Variants in FARP1 observed in about 807,000 individuals in gnomAD.
FARP1 encodes FERM, ARHGEF and pleckstrin domain-containing protein 1.
In FARP1, 52 loss-of-function variants were observed where a neutral mutation model predicts 128.8. The observed-to-expected ratio is 0.40, with a 90% CI of 0.32 to 0.51. The LOEUF (loss-of-function observed/expected upper bound fraction) is 0.51, where lower values mean the gene tolerates loss of function less well. FARP1 is among the 20% of genes least tolerant of loss of function. FARP1 has a pLI of 0.45. For synonymous variants in FARP1, 580 were observed against 551.8 expected (o/e 1.05, Z -0.72); for missense variants, 1,333 against 1,367.9 (o/e 0.97, Z 0.40).
chr13:98,210,694 C>T (rs1404644921), intron 1 of FARP1, among the ~76,000 whole-genome samples: 4 of 152,060 alleles, frequency 2.6e-5, no homozygotes, highest in Admixed American at 6.5e-5. Context: ...GGACTACAGG[C>T]GCCCGCCACC....
At chr13:98,253,698 G>A (rs576824224) in intron 2 of FARP1, among the ~76,000 whole-genome samples, 7 of 152,160 alleles carry the variant, frequency 4.6e-5, no homozygotes. Context: ...CGTTGAGCTC[G>A]GTTTCCAGCC....
chr13:98,313,860 C>T (rs77452135), intron 2 of FARP1, among the ~76,000 whole-genome samples: 243 of 152,368 alleles, frequency 1.6e-3, no homozygotes, highest in African/African-American at 5.6e-3. Context: ...CCCACAAGAG[C>T]GCCTGTGATA....
chr13:98,311,994 C>G (rs571606941), intron 2 of FARP1, among the ~76,000 whole-genome samples: 1 of 151,962 alleles, frequency 6.6e-6, no homozygotes, highest in East Asian at 1.9e-4. Context: ...TAGGCACCTA[C>G]CACCATGCTT....
intron 2 of FARP1, among the ~76,000 whole-genome samples, chr13:98,274,945 A>G (rs1262526304): frequency 2.0e-5 from 3 of 152,226 alleles, no homozygotes; most frequent in African/African-American, 7.2e-5. Context: ...ATGCTTGGCT[A>G]TAACACTATC....
chr13:98,446,033 C>A (rs1892811287), intron 24 of FARP1, 65 bp from the exon 25 acceptor site: 6 of 1,105,942 alleles, frequency 5.4e-6, no homozygotes, highest in Non-Finnish European at 8.3e-6. Context: ...GCAGGGAGAG[C>A]TGCTCTCTGT....
rs373732659 is a variant in FARP1 at position 98,421,446 on chromosome 13, C to T, written c.1827-3126C>T. Among the ~76,000 whole-genome samples, 24 of 152,234 alleles carry T rather than the reference C, an allele frequency of 1.6e-4. 1 individual carries two copies. Among genetic ancestry groups the T allele is most frequent in the African/African-American group, 5.5e-4 (23 of 41,532 alleles). On this transcript the variant is annotated intron_variant, in intron 16 of 26. Coordinates refer to ENST00000319562, the MANE Select transcript of FARP1 (RefSeq NM_005766.4). Reference sequence around the variant, plus strand: ...CCAGAATCCTCCCCATTTCTTCTCCCGCAATCCAGACTCTCACTAGAATAT... The same window carrying T: ...CCAGAATCCTCCCCATTTCTTCTCCTGCAATCCAGACTCTCACTAGAATAT...
In FARP1 at chr13:98,186,070, A is replaced by G. The variant is rs565608413; in HGVS notation, c.-23-27150A>G. ...AGTGCACTCACATTATTGTGCCACCATCACCATCATCTATCTGCAGAACGT... is the reference window on the plus strand; with the variant it reads ...AGTGCACTCACATTATTGTGCCACCGTCACCATCATCTATCTGCAGAACGT... On this transcript the variant is annotated intron_variant, in intron 1 of 26. Coordinates refer to ENST00000319562, the MANE Select transcript of FARP1 (RefSeq NM_005766.4). Among the ~76,000 whole-genome samples, 50 of 152,180 alleles carry G rather than the reference A, an allele frequency of 3.3e-4. 1 individual carries two copies. In the South Asian group the frequency reaches 8.9e-3, roughly 27 times the overall value.
chr13:98,410,675 T>A lies in FARP1; in HGVS notation c.1603-59T>A, dbSNP rs1446197629. 3 of 807,234 alleles carry A rather than the reference T, an allele frequency of 3.7e-6. No homozygotes were observed. In the African/African-American group the frequency reaches 5.0e-5, roughly 14 times the overall value. The allele number at this position is 807,234 out of a possible 1,614,324, so 50.0% of individuals were successfully genotyped here. A position where few individuals can be genotyped will look rare whatever the true frequency, so the allele number is the denominator to read the frequency against. Reference sequence around the variant, plus strand: ...ACATATCACTTTAATGAGGACATTCTCCGAGACGCATACTCAAAAATGATT... The same window carrying A: ...ACATATCACTTTAATGAGGACATTCACCGAGACGCATACTCAAAAATGATT... On this transcript the variant is annotated intron_variant, in intron 14 of 26. Transcript: ENST00000319562.
At chr13:98,165,679 TAA>T (rs140355132) in intron 1 of FARP1, among the ~76,000 whole-genome samples, 98,150 of 113,480 alleles carry the variant, frequency 0.86, 44,537 homozygotes, top group South Asian at 0.99. Flanking sequence ...CTCTCATCAT[TAA>T]AAAAAAAAAA....
chr13:98,210,580 C>G (rs556074252), intron 1 of FARP1, among the ~76,000 whole-genome samples: 1 of 147,294 alleles, frequency 6.8e-6, no homozygotes, highest in African/African-American at 2.5e-5. Flanking sequence ...GACAGAGTCT[C>G]GCTCTGTCGC....
At chr13:98,205,972 T>C (rs946163325) in intron 1 of FARP1, among the ~76,000 whole-genome samples, 1 of 152,234 alleles carries the variant, frequency 6.6e-6, no homozygotes, top group Non-Finnish European at 1.5e-5. Context: ...ATAACTATGT[T>C]TGGACAAAGC....
At chr13:98,254,774 A>G (rs1436134823) in intron 2 of FARP1, among the ~76,000 whole-genome samples, 1 of 152,224 alleles carries the variant, frequency 6.6e-6, no homozygotes, top group African/African-American at 2.4e-5. Context: ...GAGAATGTCC[A>G]TGATGCTATA....
chr13:98,267,060 G>C (rs1884154721), intron 2 of FARP1, among the ~76,000 whole-genome samples: 1 of 149,082 alleles, frequency 6.7e-6, no homozygotes, highest in Non-Finnish European at 1.5e-5. Context: ...TGCAGAGAAA[G>C]GGGTTATTAT....
At chr13:98,429,322 G>A (rs566789173) in intron 17 of FARP1, among the ~76,000 whole-genome samples, 2 of 152,138 alleles carry the variant, frequency 1.3e-5, no homozygotes, top group Non-Finnish European at 2.9e-5. Context: ...GATGCAGGGC[G>A]GTCAGTGGGT....
At chr13:98,206,537 C>T (rs1206967228) in intron 1 of FARP1, among the ~76,000 whole-genome samples, 3 of 152,172 alleles carry the variant, frequency 2.0e-5, no homozygotes, top group Non-Finnish European at 4.4e-5. Context: ...TCTTTCTGAC[C>T]TTCACTGCAG....
At chr13:98,196,379 C>G (rs1443112386) in intron 1 of FARP1, among the ~76,000 whole-genome samples, 1 of 152,118 alleles carries the variant, frequency 6.6e-6, no homozygotes, top group Non-Finnish European at 1.5e-5. Context: ...AAGTTAATCT[C>G]TTGTGTCTCA....
At position 98,452,335 on chromosome 13, in the gene FARP1, G is replaced by A. The variant is rs1466405154; in HGVS notation, c.*4018G>A. On this transcript the variant is annotated 3_prime_UTR_variant, in exon 27 of 27. Coordinates refer to ENST00000319562, the MANE Select transcript of FARP1 (RefSeq NM_005766.4). ...ATGTCAGACGAGAGCGCTTCATGGG[G>A]AGAAACTGAAAATTATAATTTAAAG... 4 of 152,520 alleles carry A rather than the reference G, an allele frequency of 2.6e-5. No homozygotes were observed. Among genetic ancestry groups the A allele is most frequent in the Admixed American group, 2.6e-4 (4 of 15,272 alleles). 9.4% of individuals were successfully genotyped at this position (152,520 alleles called of 1,614,324 possible).
chr13:98,384,939 A>C, intron 7 of FARP1, 95 bp downstream of exon 7: 1 of 745,702 alleles, frequency 1.3e-6, no homozygotes. Flanking sequence ...CACACAAACT[A>C]TTGTGGAGAA....
At chr13:98,338,042 T>C (rs1163128035) in intron 2 of FARP1, among the ~76,000 whole-genome samples, 1 of 152,242 alleles carries the variant, frequency 6.6e-6, no homozygotes, top group African/African-American at 2.4e-5. Flanking sequence ...CAGATTGCAT[T>C]GTGAATTACC....
Sources: gnomAD v4.1 joint callset for allele counts (sites outside exome capture counted in the v4.1 genomes callset) on GRCh38, gnomAD v4.1.1 for gene constraint, MANE v1.5 for transcripts, NCBI Gene and HGNC (gene_info 2026-07-23, HGNC 2026-07-21) for gene names.